DRC3: variants seen among roughly 807,000 people sequenced by gnomAD.
DRC3 encodes the protein dynein regulatory complex subunit 3, also known as leucine rich repeat containing 48.
In DRC3, 45 loss-of-function variants were observed where a neutral mutation model predicts 57.6. The ratio of observed to expected loss-of-function variants is 0.78; its 90% CI spans 0.62 to 1.00. The LOEUF (loss-of-function observed/expected upper bound fraction) is 1.00. Ranked by LOEUF, DRC3 falls within the 50% of genes least tolerant of loss-of-function variation. The pLI, the probability that DRC3 is intolerant of heterozygous loss-of-function variation, is 0.00. For synonymous variants in DRC3, 257 were observed against 272.3 expected (o/e 0.94, Z 0.55); for missense variants, 655 against 675.2 (o/e 0.97, Z 0.33).
intron 10 of DRC3, chr17:18,004,798 G>A (rs2043887083): frequency 3.3e-6 from 1 of 299,180 alleles, no homozygotes; most frequent in Non-Finnish European, 6.3e-6. Context: ...TACTCTAAAG[G>A]CAAAGCGCAC....
At chr17:18,012,231 A>G (rs894399335) in intron 12 of DRC3, among the ~76,000 whole-genome samples, 10 of 152,248 alleles carry the variant, frequency 6.6e-5, no homozygotes, top group African/African-American at 2.4e-4. Flanking sequence ...CTGATTTTTG[A>G]CAAAAGCGCC....
chr17:17,980,153 G>A (rs1294201458), intron 3 of DRC3, among the ~76,000 whole-genome samples: 2 of 152,210 alleles, frequency 1.3e-5, no homozygotes, highest in Non-Finnish European at 2.9e-5. Context: ...GAGCTAGGAG[G>A]GGTTCCCCAC....
At chr17:17,978,723 C>G (rs11655990) in intron 3 of DRC3, among the ~76,000 whole-genome samples, 1 of 152,152 alleles carries the variant, frequency 6.6e-6, no homozygotes, top group East Asian at 1.9e-4. Flanking sequence ...GGGCCCTGAG[C>G]CACAGCCCCG....
rs57676265 is a variant in DRC3 at position 17,990,618 on chromosome 17, C to T, written c.445-2147C>T. ...TCTGAATCTCCTAACTGAAAGAGGC[C>T]TCCCTGTTATTTTCTCTCAGGGTGC... is the stretch of plus-strand genomic sequence containing the variant. On this transcript the variant is annotated intron_variant, in intron 5 of 13. Transcript: ENST00000399187. Among the ~76,000 whole-genome samples the T allele has an allele frequency of 3.0e-3, 455 of 152,346 alleles. 3 individuals are homozygous for T. The highest frequency in any genetic ancestry group is 0.01 in the African/African-American group (436 of 41,590).
intron 9 of DRC3, among the ~76,000 whole-genome samples, chr17:18,002,803 G>C (rs2043791721): frequency 1.3e-5 from 2 of 152,156 alleles, no homozygotes; most frequent in Non-Finnish European, 2.9e-5. Context: ...ACTGTTAAGT[G>C]ACCCAGGCAG....
chr17:18,010,053 G>A (rs1021939934), intron 12 of DRC3, among the ~76,000 whole-genome samples: 3 of 152,178 alleles, frequency 2.0e-5, no homozygotes, highest in Admixed American at 6.6e-5. Context: ...ATCCGGCTGC[G>A]AGGGCAGGGT....
At chr17:17,989,042 T>C (rs1241824097) in intron 5 of DRC3, among the ~76,000 whole-genome samples, 1 of 152,120 alleles carries the variant, frequency 6.6e-6, no homozygotes, top group East Asian at 1.9e-4. Flanking sequence ...TGGTTCGGTG[T>C]CAGGCTGGGG....
intron 2 of DRC3, among the ~76,000 whole-genome samples, chr17:17,975,110 A>T (rs2042318508): frequency 6.6e-6 from 1 of 152,206 alleles, no homozygotes; most frequent in South Asian, 2.1e-4. Context: ...CTGAAAGCAA[A>T]CTTGATCTGT....
At chr17:17,982,636 G>A (rs867034420) in intron 3 of DRC3, among the ~76,000 whole-genome samples, 14 of 144,318 alleles carry the variant, frequency 9.7e-5, no homozygotes, top group Non-Finnish European at 1.5e-4. Context: ...TTGCAGTGGC[G>A]CGATCTTGGC....
chr17:18,016,328 A>T, intron 13 of DRC3, 133 bp downstream of exon 13: 1 of 1,073,596 alleles, frequency 9.3e-7, no homozygotes, highest in South Asian at 1.5e-5. Flanking sequence ...GGATTATAGA[A>T]TTCCACACTG....
intron 7 of DRC3, among the ~76,000 whole-genome samples, 170 bp from the exon 8 acceptor site, chr17:17,994,829 T>C (rs2043391163): frequency 6.6e-6 from 1 of 152,148 alleles, no homozygotes; most frequent in South Asian, 2.1e-4. Context: ...GACTGAGAAA[T>C]GTATAACATT....
intron 10 of DRC3, 47 bp from the exon 11 acceptor site, chr17:18,006,136 C>T (rs368582235): frequency 1.7e-4 from 247 of 1,417,160 alleles, no homozygotes; most frequent in Middle Eastern, 5.2e-4. Flanking sequence ...TTGCTCTGTG[C>T]TGGACATCTA....
chr17:18,007,688 G>A (rs928456327), intron 12 of DRC3: 7 of 1,324,212 alleles, frequency 5.3e-6, no homozygotes, highest in Admixed American at 3.3e-5. Flanking sequence ...GGATGTCTGC[G>A]CTGGGTCCCG....
chr17:17,981,149 G>T, intron 3 of DRC3: 1 of 185,084 alleles, frequency 5.4e-6, no homozygotes, highest in South Asian at 1.1e-4. Context: ...ATTAGAAAAA[G>T]AGAGCTGGGT....
chr17:17,981,827 G>T (rs975204371), intron 3 of DRC3, among the ~76,000 whole-genome samples: 1 of 152,062 alleles, frequency 6.6e-6, no homozygotes, highest in African/African-American at 2.4e-5. Context: ...CTCCTGAGTA[G>T]CTGGGACTAC....
intron 3 of DRC3, among the ~76,000 whole-genome samples, chr17:17,983,071 G>A (rs981473801): frequency 6.6e-6 from 1 of 152,188 alleles, no homozygotes; most frequent in Admixed American, 6.5e-5. Context: ...GGCTGCCAGT[G>A]ACAGAAACCA....
chr17:18,016,707 G>A lies in DRC3; in HGVS notation c.*36G>A, dbSNP rs2044378375. The A allele has an allele frequency of 7.2e-7, 1 of 1,395,088 alleles. No individual in the cohort carries two copies. Among genetic ancestry groups the A allele is most frequent in the African/African-American group, 1.4e-5 (1 of 70,500 alleles). 86.4% of individuals were successfully genotyped at this position (1,395,088 alleles called of 1,614,324 possible). A position where few individuals can be genotyped will look rare whatever the true frequency, so the allele number is the denominator to read the frequency against. The stretch of plus-strand genomic sequence containing the variant: ...GCCACAGGAGCTTCTTCAAAACATA[G>A]CACCAGCCCCAGCCAGGAGAAGGAA... On this transcript the variant is annotated 3_prime_UTR_variant, in exon 14 of 14. Transcript: ENST00000399187.
At chr17:18,010,765 CG>C (rs1419137006) in intron 12 of DRC3, 2 of 255,604 alleles carry the variant, frequency 7.8e-6, no homozygotes, top group Non-Finnish European at 1.5e-5. Flanking sequence ...GCTGAGGCTG[CG>C]GGGAGCTCTC....
At chr17:17,992,414 C>T (rs916975961) in intron 5 of DRC3, among the ~76,000 whole-genome samples, 1 of 152,240 alleles carries the variant, frequency 6.6e-6, no homozygotes, top group African/African-American at 2.4e-5. Context: ...GCTTATTTCA[C>T]TTGGTCTTTA....
Sources: allele counts gnomAD v4.1 joint callset (sites outside exome capture counted in the v4.1 genomes callset), GRCh38; gene constraint gnomAD v4.1.1; transcripts MANE v1.5; gene names NCBI Gene and HGNC (gene_info 2026-07-23, HGNC 2026-07-21).